The following TMCC3 variants were observed in gnomAD, a reference collection of about 807,000 sequenced individuals.
TMCC3 encodes the protein transmembrane and coiled-coil domain protein 3.
TMCC3 carries 28 observed loss-of-function variants against 40.2 expected under a neutral mutation model. The ratio of observed to expected loss-of-function variants is 0.70; its 90% CI spans 0.52 to 0.95. The LOEUF is 0.95. TMCC3 is among the 40% of genes least tolerant of loss of function. The pLI is 0.00. For synonymous variants in TMCC3, 255 were observed against 248.5 expected (o/e 1.03, Z -0.25); for missense variants, 554 against 615.2 (o/e 0.90, Z 1.05).
intron 1 of TMCC3, among the ~76,000 whole-genome samples, chr12:94,608,396 C>G (rs2068795788): frequency 6.6e-6 from 1 of 152,174 alleles, no homozygotes; most frequent in African/African-American, 2.4e-5. Flanking sequence ...CCATAACTGA[C>G]AGCTATTCAG....
At chr12:94,574,235 A>G (rs1379981811) in intron 3 of TMCC3, among the ~76,000 whole-genome samples, 1 of 152,090 alleles carries the variant, frequency 6.6e-6, no homozygotes, top group Non-Finnish European at 1.5e-5. Context: ...AAAAAATACA[A>G]AAATTAGCTG....
chr12:94,600,240 G>GTTTTTT (rs530585319), intron 1 of TMCC3, among the ~76,000 whole-genome samples: 19 of 102,062 alleles, frequency 1.9e-4, no homozygotes, highest in South Asian at 3.5e-4. Context: ...CCAAATTCTG[G>GTTTTTT]TTTTTTTTTT....
chr12:94,637,416 C>T (rs1010694176), intron 1 of TMCC3, among the ~76,000 whole-genome samples: 1 of 152,148 alleles, frequency 6.6e-6, no homozygotes, highest in Non-Finnish European at 1.5e-5. Context: ...GAGTTTTCAC[C>T]TATCAGATTG....
At chr12:94,624,872 G>A (rs1457509848) in intron 1 of TMCC3, among the ~76,000 whole-genome samples, 3 of 152,184 alleles carry the variant, frequency 2.0e-5, no homozygotes, top group African/African-American at 7.2e-5. Context: ...CAGGTGCGGT[G>A]GCTCATGCCT....
intron 1 of TMCC3, among the ~76,000 whole-genome samples, chr12:94,646,389 T>A (rs912044898): frequency 2.7e-5 from 4 of 149,872 alleles, no homozygotes; most frequent in Admixed American, 6.6e-5. Context: ...AACATAAATT[T>A]AAAAAAATTT....
intron 1 of TMCC3, among the ~76,000 whole-genome samples, chr12:94,617,695 G>C (rs1270920044): frequency 6.6e-6 from 1 of 152,190 alleles, no homozygotes; most frequent in African/African-American, 2.4e-5. Context: ...GGGGTTTCCT[G>C]CTTTTGACAT....
At chr12:94,623,249 A>C (rs190544718) in intron 1 of TMCC3, among the ~76,000 whole-genome samples, 53 of 152,246 alleles carry the variant, frequency 3.5e-4, no homozygotes, top group Non-Finnish European at 7.2e-4. Context: ...ATCTGAGACT[A>C]AGCAGAGTGG....
At chr12:94,650,326 C>G in intron 1 of TMCC3, 27 bp downstream of exon 1, 2 of 1,248,168 alleles carry the variant, frequency 1.6e-6, no homozygotes, top group Non-Finnish European at 2.0e-6. Flanking sequence ...CGCGCGCACC[C>G]GCCGCCCCCC....
intron 1 of TMCC3, among the ~76,000 whole-genome samples, chr12:94,592,310 T>C (rs1224381211): frequency 6.6e-6 from 1 of 152,008 alleles, no homozygotes; most frequent in Non-Finnish European, 1.5e-5. Flanking sequence ...CTTCCTCTCT[T>C]GGCATCACTG....
At chr12:94,597,725 T>C (rs1436969982) in intron 1 of TMCC3, among the ~76,000 whole-genome samples, 1 of 152,036 alleles carries the variant, frequency 6.6e-6, no homozygotes, top group Non-Finnish European at 1.5e-5. Context: ...GAGAATCGCT[T>C]GAACCTGGGA....
chr12:94,615,414 C>T (rs889903934), intron 1 of TMCC3, among the ~76,000 whole-genome samples: 2 of 152,216 alleles, frequency 1.3e-5, no homozygotes, highest in African/African-American at 4.8e-5. Context: ...CCCTTCTTCC[C>T]CAACGTGGGC....
At chr12:94,584,334 C>T (rs897862982) in intron 1 of TMCC3, among the ~76,000 whole-genome samples, 1 of 152,184 alleles carries the variant, frequency 6.6e-6, no homozygotes, top group Admixed American at 6.5e-5. Context: ...TGCTCCCGCT[C>T]TGCCTTCCAC....
At chr12:94,621,668 G>A (rs2068876457) in intron 1 of TMCC3, among the ~76,000 whole-genome samples, 1 of 152,090 alleles carries the variant, frequency 6.6e-6, no homozygotes, top group South Asian at 2.1e-4. Context: ...GGAAATCAAG[G>A]CCCAAGAAGT....
At position 94,639,145 on chromosome 12, in the gene TMCC3, G is replaced by A. The variant is rs553607861; in HGVS notation, c.78+11208C>T. On this transcript the variant is annotated intron_variant, in intron 1 of 3. Coordinates refer to ENST00000261226, the MANE Select transcript of TMCC3 (RefSeq NM_020698.4). ...TTCTCCCAGGTCATGGTCGTCAGAA[G>A]ACTAAAGAGGAAATAATACAGAGAG... Among the ~76,000 whole-genome samples, 11 of 152,280 alleles carry A rather than the reference G, an allele frequency of 7.2e-5. No homozygotes were observed. The South Asian group carries it at 1.7e-3, about 23-fold the overall frequency.
intron 1 of TMCC3, among the ~76,000 whole-genome samples, chr12:94,616,672 AGGG>A: frequency 6.6e-6 from 1 of 152,274 alleles, no homozygotes; most frequent in South Asian, 2.1e-4. Context: ...GGAGCTGCTA[AGGG>A]GGAGATAAGA....
At chr12:94,590,246 A>G (rs1594273928) in intron 1 of TMCC3, among the ~76,000 whole-genome samples, 1 of 135,910 alleles carries the variant, frequency 7.4e-6, no homozygotes, top group Admixed American at 7.6e-5. Flanking sequence ...GGTGAGTGCC[A>G]CCACGCCCTG....
intron 1 of TMCC3, among the ~76,000 whole-genome samples, chr12:94,647,280 G>T (rs375112515): frequency 2.6e-5 from 4 of 152,114 alleles, no homozygotes; most frequent in East Asian, 1.9e-4. Flanking sequence ...TTTCACTAAG[G>T]GGGGAGGGGT....
At chr12:94,629,199 T>C (rs115406786) in intron 1 of TMCC3, among the ~76,000 whole-genome samples, 1,542 of 152,144 alleles carry the variant, frequency 0.01, 29 homozygotes, top group African/African-American at 0.034. Flanking sequence ...GCCTTGAAAA[T>C]TGATACCATC....
chr12:94,602,947 A>T (rs1373678813), intron 1 of TMCC3, among the ~76,000 whole-genome samples: 1 of 152,224 alleles, frequency 6.6e-6, no homozygotes, highest in East Asian at 1.9e-4. Flanking sequence ...AGGGCCTTGC[A>T]GCTCTCATAT....
Sources: allele counts gnomAD v4.1 joint callset (sites outside exome capture counted in the v4.1 genomes callset), GRCh38; gene constraint gnomAD v4.1.1; transcripts MANE v1.5; gene names NCBI Gene and HGNC (gene_info 2026-07-23, HGNC 2026-07-21).